The following ICA1 variants were observed in gnomAD, a reference collection of about 807,000 sequenced individuals.
ICA1 encodes 69 kDa islet cell autoantigen.
In ICA1, 40 loss-of-function variants were observed where a neutral mutation model predicts 71.0. The observed-to-expected ratio is 0.56, with a 90% CI of 0.44 to 0.73. ICA1 has a LOEUF of 0.73. Ranked by LOEUF, ICA1 falls within the 30% of genes least tolerant of loss-of-function variation. The probability of loss-of-function intolerance (pLI) is 0.00; values close to 1 mark genes in which losing one functional copy is unlikely to be tolerated. For synonymous variants in ICA1, 207 were observed against 209.5 expected, an observed-to-expected ratio of 0.99 and a Z score of 0.10; for missense variants, 578 against 576.5, an observed-to-expected ratio of 1.00 and a Z score of -0.03.
chr7:8,164,745 G>GA (rs1562783649), intron 6 of ICA1, among the ~76,000 whole-genome samples: 4 of 152,118 alleles, frequency 2.6e-5, no homozygotes, highest in African/African-American at 9.7e-5. Context: ...AGGTGCCACA[G>GA]GAGAAAGTCT....
At chr7:8,179,807 G>C (rs950150667) in intron 6 of ICA1, among the ~76,000 whole-genome samples, 1 of 151,946 alleles carries the variant, frequency 6.6e-6, no homozygotes, top group Non-Finnish European at 1.5e-5. Flanking sequence ...TTTAGGGCTG[G>C]GAGATATATG....
In ICA1 at chr7:8,123,305, G is replaced by C. The variant is rs1177812696; in HGVS notation, c.1330+4568C>G. On this transcript the variant is annotated intron_variant, in intron 13 of 13. Transcript: ENST00000402384. The surrounding 1 kb of genome is among the most constrained non-coding windows in gnomAD (Gnocchi z 4.1). ...GGGGACTGGGGACAGAACGAGGAGAGAGGTGGAAGAAGAGAGGTACAAAAG... is the reference window on the plus strand; with the variant it reads ...GGGGACTGGGGACAGAACGAGGAGACAGGTGGAAGAAGAGAGGTACAAAAG... 4.6e-5 allele frequency among the ~76,000 whole-genome samples: 7 copies of C among 152,182 alleles called. No individual in the cohort carries two copies. The highest frequency in any genetic ancestry group is 1.7e-4 in the African/African-American group (7 of 41,428).
rs1440650238 is a variant in ICA1 at position 8,173,508 on chromosome 7, A to G, written c.580-14856T>C. Among the ~76,000 whole-genome samples the G allele has an allele frequency of 1.3e-5, 2 of 152,248 alleles. No homozygotes were observed. The highest frequency in any genetic ancestry group is 2.9e-5 in the Non-Finnish European group (2 of 68,040). ...TAGAGAATGCTAATGAACCAATTCA[A>G]TATTTTGACAAAGAAAAAGAAACAA... On this transcript the variant is annotated intron_variant, in intron 6 of 13. Transcript: ENST00000402384. This position sits in a 1 kb window ranked among gnomAD's most constrained non-coding sequence, Gnocchi z 4.0.
Position 8,249,913 on chromosome 7 carries a change from G to A in ICA1, c.-80+12181C>T, listed in dbSNP as rs147517749. On this transcript the variant is annotated intron_variant, in intron 1 of 13. Transcript: ENST00000402384. ...CTGGTGTGTAACTTCAGAAAAAACA[G>A]AAGTCATATAATTTAGAGCCTAGAA... Among the ~76,000 whole-genome samples the A allele has an allele frequency of 1.7e-3, 253 of 152,286 alleles. 1 individual carries two copies. Among genetic ancestry groups the A allele is most frequent in the African/African-American group, 5.8e-3 (240 of 41,542 alleles).
At chr7:8,155,222 C>T (rs980166798) in intron 8 of ICA1, among the ~76,000 whole-genome samples, 5 of 152,088 alleles carry the variant, frequency 3.3e-5, no homozygotes, top group African/African-American at 1.2e-4. Flanking sequence ...ACAATTAAAC[C>T]ATGAACTATT....
intron 6 of ICA1, among the ~76,000 whole-genome samples, chr7:8,176,520 C>T (rs1031836129): frequency 2.0e-5 from 3 of 152,132 alleles, no homozygotes; most frequent in African/African-American, 7.2e-5. Context: ...CTAAGCTGCA[C>T]GAAGGGGGAA....
intron 8 of ICA1, chr7:8,156,834 C>G (rs536096765): frequency 1.3e-6 from 2 of 1,485,194 alleles, no homozygotes; most frequent in East Asian, 4.9e-5. Flanking sequence ...AAGTTCACCA[C>G]AATTCATCTC....
intron 1 of ICA1, among the ~76,000 whole-genome samples, chr7:8,250,047 T>A (rs1807602259): frequency 6.6e-6 from 1 of 152,172 alleles, no homozygotes; most frequent in Non-Finnish European, 1.5e-5. Context: ...GAGCCAGGGC[T>A]CCCACATGGG....
At chr7:8,179,318 G>C (rs1017771874) in intron 6 of ICA1, among the ~76,000 whole-genome samples, 5 of 152,168 alleles carry the variant, frequency 3.3e-5, no homozygotes, top group African/African-American at 9.7e-5. Flanking sequence ...AAGGCTTTAA[G>C]AAGAGGCTAA....
intron 1 of ICA1, among the ~76,000 whole-genome samples, chr7:8,237,669 T>C (rs1031615845): frequency 2.6e-5 from 4 of 152,172 alleles, no homozygotes; most frequent in African/African-American, 9.7e-5. Flanking sequence ...AGATACCTCA[T>C]AAAAATGCAA....
intron 1 of ICA1, among the ~76,000 whole-genome samples, chr7:8,240,831 T>C (rs1435036848): frequency 2.0e-5 from 3 of 152,112 alleles, no homozygotes; most frequent in Non-Finnish European, 4.4e-5. Flanking sequence ...TTGAATCAAA[T>C]TAACGAAATA....
intron 6 of ICA1, among the ~76,000 whole-genome samples, chr7:8,211,779 C>T (rs1297181577): frequency 1.3e-5 from 2 of 152,250 alleles, no homozygotes; most frequent in East Asian, 3.9e-4. Context: ...CAGCAGCCAG[C>T]AAACTGTTTT....
intron 13 of ICA1, among the ~76,000 whole-genome samples, chr7:8,121,190 AGGACATCATCTTCAAG>A (rs1786774903): frequency 6.6e-6 from 1 of 152,206 alleles, no homozygotes; most frequent in Non-Finnish European, 1.5e-5. Context: ...CTAACCCCTG[AGGACATCATCTTCAAG>A]GGTTCTCATT....
chr7:8,200,240 G>T (rs1414411631), intron 6 of ICA1, among the ~76,000 whole-genome samples: 1 of 134,446 alleles, frequency 7.4e-6, no homozygotes, highest in Non-Finnish European at 1.5e-5. Flanking sequence ...TACATCAACT[G>T]AACATTTATT....
chr7:8,141,334 CCTAT>C (rs1795158508), intron 10 of ICA1, among the ~76,000 whole-genome samples: 1 of 152,206 alleles, frequency 6.6e-6, no homozygotes, highest in Non-Finnish European at 1.5e-5. Flanking sequence ...GTGAGCAGCT[CCTAT>C]CTGTTTCCAA....
chr7:8,182,123 C>A (rs1197325746), intron 6 of ICA1, among the ~76,000 whole-genome samples: 1 of 152,156 alleles, frequency 6.6e-6, no homozygotes, highest in Non-Finnish European at 1.5e-5. Context: ...ACACTCTTAC[C>A]CTTTTTTTTC....
chr7:8,128,901 C>A (rs1259085971), intron 12 of ICA1, among the ~76,000 whole-genome samples: 1 of 152,192 alleles, frequency 6.6e-6, no homozygotes, highest in Non-Finnish European at 1.5e-5. Context: ...TCGGTAAAAA[C>A]CCTTAGACCC....
At position 8,158,451 on chromosome 7, in the gene ICA1, T is replaced by A; in HGVS notation, c.705+76A>T. 3 of 1,568,586 alleles carry A rather than the reference T, an allele frequency of 1.9e-6. No homozygotes were observed. In the South Asian group the frequency reaches 3.5e-5, roughly 18 times the overall value. On this transcript the variant is annotated intron_variant, in intron 7 of 13. Coordinates refer to ENST00000402384, the MANE Select transcript of ICA1 (RefSeq NM_001136020.3). The stretch of plus-strand genomic sequence containing the variant: ...CTTCACAATGGCCAAAGCTTACTTT[T>A]AGCTCAAACACCATTTTGATGTTAT...
chr7:8,211,082 T>C (rs1793633920), intron 6 of ICA1, among the ~76,000 whole-genome samples: 1 of 152,188 alleles, frequency 6.6e-6, no homozygotes, highest in South Asian at 2.1e-4. Context: ...TGTGACAAAC[T>C]GTCAGACAAT....
Sources: allele counts gnomAD v4.1 joint callset (sites outside exome capture counted in the v4.1 genomes callset), GRCh38; gene constraint gnomAD v4.1.1; non-coding constraint Gnocchi (gnomAD v3.1); transcripts MANE v1.5; gene names NCBI Gene and HGNC (gene_info 2026-07-23, HGNC 2026-07-21).